The following SPTBN1 variants were observed in gnomAD, a reference collection of about 807,000 sequenced individuals.
The protein encoded by SPTBN1 is spectrin beta chain, non-erythrocytic 1.
In SPTBN1, 32 loss-of-function variants were observed where a neutral mutation model predicts 266.4. The observed-to-expected ratio is 0.12, with a 90% CI of 0.09 to 0.16. The LOEUF is 0.16. Ranked by LOEUF, SPTBN1 falls within the 10% of genes least tolerant of loss-of-function variation. The pLI is 1.00. For synonymous variants in SPTBN1, 1,336 were observed against 1,162.2 expected, an observed-to-expected ratio of 1.15 and a Z score of -3.04; for missense variants, 2,296 against 3,067.1, an observed-to-expected ratio of 0.75 and a Z score of 5.94.
At chr2:54,623,427 T>C in intron 9 of SPTBN1, 52 bp from the exon 10 acceptor site, 8 of 1,496,592 alleles carry the variant, frequency 5.3e-6, no homozygotes, top group Non-Finnish European at 6.5e-6. Flanking sequence ...TGCATGACAG[T>C]GTGAAATTTT....
chr2:54,622,460 C>G lies in SPTBN1; in HGVS notation c.1037C>G (p.Thr346Ser), dbSNP rs1448921831. 2 of 1,614,184 alleles carry G rather than the reference C, an allele frequency of 1.2e-6. No individual in the cohort carries two copies. Among genetic ancestry groups the G allele is most frequent in the East Asian group, 2.2e-5 (1 of 44,884 alleles). The change falls in exon 9 of 36, where the codon ACT (threonine) becomes AGT (serine). Residue 346 changes from threonine (T) to serine (S), a missense_variant. Physicochemically the swap from Thr to Ser is moderately conservative, Grantham distance 58. Around this residue, in one of 12 missense-constraint regions of SPTBN1, gnomAD observed 148 missense variants for 203.8 expected, o/e 0.73. Coordinates refer to ENST00000356805, the MANE Select transcript of SPTBN1 (RefSeq NM_003128.3). Reference sequence around the variant, plus strand: ...CAACAGCAGCTTCAGGCATTCAACACTTACCGCACTGTGGAGAAACCACCC... The same window carrying G: ...CAACAGCAGCTTCAGGCATTCAACAGTTACCGCACTGTGGAGAAACCACCC... ...GVQQQLQAFNTYRTVEKPPKF... is the reference protein window; with the variant it reads ...GVQQQLQAFNSYRTVEKPPKF...
intron 2 of SPTBN1, among the ~76,000 whole-genome samples, chr2:54,548,600 C>T (rs1028417992): frequency 2.1e-4 from 32 of 152,222 alleles, no homozygotes; most frequent in Non-Finnish European, 3.1e-4. Context: ...GCTTAGCTTC[C>T]TCTTCCTTCA....
intron 1 of SPTBN1, among the ~76,000 whole-genome samples, chr2:54,476,272 G>A (rs1353359902): frequency 6.6e-6 from 1 of 152,102 alleles, no homozygotes; most frequent in Non-Finnish European, 1.5e-5. Context: ...CCAAATGCTA[G>A]GGTAGCAGGT....
Position 54,670,089 on chromosome 2 carries a change from TA to T in SPTBN1, c.*1524del, listed in dbSNP as rs1404616399. On this transcript the variant is annotated 3_prime_UTR_variant, in exon 36 of 36. Coordinates refer to ENST00000356805, the MANE Select transcript of SPTBN1 (RefSeq NM_003128.3). Reference sequence around the variant, plus strand: ...ATGCCTGGGCATGGCTGTGTTCCAGTAAAACTATTTAAGGACATAAATTTGA... The same window carrying T: ...ATGCCTGGGCATGGCTGTGTTCCAGTAAACTATTTAAGGACATAAATTTGA... 1 of 152,188 alleles carries T rather than the reference TA, an allele frequency of 6.6e-6. No individual in the cohort carries two copies. Among genetic ancestry groups the T allele is most frequent in the African/African-American group, 2.4e-5 (1 of 41,442 alleles). 9.4% of individuals were successfully genotyped at this position (152,188 alleles called of 1,614,324 possible). A position where few individuals can be genotyped will look rare whatever the true frequency, so the allele number is the denominator to read the frequency against.
At chr2:54,505,528 T>G (rs994098741) in intron 1 of SPTBN1, among the ~76,000 whole-genome samples, 1 of 152,154 alleles carries the variant, frequency 6.6e-6, no homozygotes, top group Non-Finnish European at 1.5e-5. Context: ...CCCTGCCTGC[T>G]GGGAAATCTG....
intron 3 of SPTBN1, among the ~76,000 whole-genome samples, chr2:54,604,720 T>TA (rs752572834): frequency 4.6e-5 from 7 of 152,028 alleles, no homozygotes; most frequent in Non-Finnish European, 8.8e-5. Flanking sequence ...GGGATGGAGA[T>TA]ATGGCTGGTA....
At chr2:54,538,492 G>A (rs933928835) in intron 2 of SPTBN1, among the ~76,000 whole-genome samples, 1 of 152,230 alleles carries the variant, frequency 6.6e-6, no homozygotes, top group Non-Finnish European at 1.5e-5. Flanking sequence ...AACAAGCAAT[G>A]AATTAATATG....
At chr2:54,493,264 C>G (rs1052928517) in intron 1 of SPTBN1, among the ~76,000 whole-genome samples, 1 of 152,108 alleles carries the variant, frequency 6.6e-6, no homozygotes, top group Non-Finnish European at 1.5e-5. Flanking sequence ...CCTCAGCCTC[C>G]CAAAGTGTTG....
At chr2:54,585,877 A>G (rs1010694235) in intron 2 of SPTBN1, among the ~76,000 whole-genome samples, 1 of 152,230 alleles carries the variant, frequency 6.6e-6, no homozygotes, top group Non-Finnish European at 1.5e-5. Context: ...AGGCAGTGGA[A>G]TAGTTGGCTG....
At chr2:54,556,328 C>T (rs186810007) in intron 2 of SPTBN1, among the ~76,000 whole-genome samples, 16 of 152,328 alleles carry the variant, frequency 1.1e-4, no homozygotes, top group Admixed American at 7.2e-4. Flanking sequence ...CTGCCTGGTT[C>T]ATTCAGTGTT....
At chr2:54,539,840 ACT>A (rs1671829990) in intron 2 of SPTBN1, among the ~76,000 whole-genome samples, 1 of 141,556 alleles carries the variant, frequency 7.1e-6, no homozygotes, top group Non-Finnish European at 1.5e-5. Context: ...CTGTGCGTGG[ACT>A]CTGTGTACAT....
intron 1 of SPTBN1, among the ~76,000 whole-genome samples, chr2:54,502,821 T>G (rs1254820057): frequency 6.6e-6 from 1 of 152,102 alleles, no homozygotes; most frequent in Admixed American, 6.6e-5. Flanking sequence ...TCCTGGAGAT[T>G]GTGTGAGTGG....
Position 54,664,417 on chromosome 2 carries a change from A to C in SPTBN1, c.6421-36A>C, listed in dbSNP as rs899625986. On this transcript the variant is annotated intron_variant, in intron 32 of 35. Coordinates refer to ENST00000356805, the MANE Select transcript of SPTBN1 (RefSeq NM_003128.3). The surrounding 1 kb of genome is among the most constrained non-coding windows in gnomAD (Gnocchi z 5.6). ...GCGTATGTGGTCACCCCCATGGCTC[A>C]CGGAGTTAGCTGAATGGCCTCTCCG... is the stretch of plus-strand genomic sequence containing the variant. The C allele has an allele frequency of 6.3e-7, 1 of 1,591,540 alleles. No individual in the cohort carries two copies. Among genetic ancestry groups the C allele is most frequent in the South Asian group, 1.1e-5 (1 of 89,368 alleles).
At chr2:54,543,004 A>C (rs1397126190) in intron 2 of SPTBN1, among the ~76,000 whole-genome samples, 1 of 152,118 alleles carries the variant, frequency 6.6e-6, no homozygotes, top group African/African-American at 2.4e-5. Flanking sequence ...ATGGGCCCTG[A>C]GGCTCTCTCA....
intron 1 of SPTBN1, among the ~76,000 whole-genome samples, chr2:54,497,801 A>G (rs1325695129): frequency 6.6e-6 from 1 of 152,148 alleles, no homozygotes; most frequent in African/African-American, 2.4e-5. Context: ...TTGGGAACTG[A>G]ATTTTGGGAA....
At chr2:54,659,291 T>C in intron 31 of SPTBN1, 25 bp downstream of exon 31, 1 of 1,612,148 alleles carries the variant, frequency 6.2e-7, no homozygotes, top group Non-Finnish European at 8.5e-7. Context: ...CTCCAGAGGC[T>C]GGACCCTTAG....
chr2:54,468,261 C>T (rs569099191), intron 1 of SPTBN1, among the ~76,000 whole-genome samples: 50 of 151,130 alleles, frequency 3.3e-4, no homozygotes, highest in Non-Finnish European at 5.6e-4. Flanking sequence ...GAGCTGAGAC[C>T]GCACCATTGC....
chr2:54,635,192 C>G (rs1679035953), intron 17 of SPTBN1, among the ~76,000 whole-genome samples: 1 of 152,166 alleles, frequency 6.6e-6, no homozygotes, highest in Admixed American at 6.5e-5. Flanking sequence ...GGAAACTACT[C>G]CCTAGTTTTA....
intron 1 of SPTBN1, among the ~76,000 whole-genome samples, chr2:54,510,675 A>G (rs1020005778): frequency 6.6e-6 from 1 of 152,262 alleles, no homozygotes; most frequent in Middle Eastern, 3.2e-3. Flanking sequence ...TATTAGTAAC[A>G]TATTTCAAGG....
Sources: allele counts gnomAD v4.1 joint callset (sites outside exome capture counted in the v4.1 genomes callset), GRCh38; gene constraint gnomAD v4.1.1; regional missense constraint gnomAD v4.1.1; non-coding constraint Gnocchi (gnomAD v3.1); transcripts MANE v1.5; gene names NCBI Gene and HGNC (gene_info 2026-07-23, HGNC 2026-07-21).